The following CDK5RAP2 variants were observed in gnomAD, a reference collection of about 807,000 sequenced individuals.
CDK5RAP2 encodes the protein CDK5 regulatory subunit-associated protein 2.
A neutral mutation model predicts 232.9 loss-of-function variants in CDK5RAP2; 147 were observed. The observed-to-expected ratio is 0.63, with a 90% confidence interval of 0.55 to 0.72. CDK5RAP2 has a LOEUF of 0.72. Among genes scored for constraint, CDK5RAP2 ranks in the 30% least tolerant of loss-of-function variants. CDK5RAP2 has a pLI of 0.00. For missense variants in CDK5RAP2, 2,195 were observed against 2,231.5 expected (o/e 0.98, Z 0.33); for synonymous variants, 833 against 833.7 (o/e 1.00, Z 0.01).
chr9:120,389,219 T>C lies in CDK5RAP2; in HGVS notation c.*17A>G. The C allele has an allele frequency of 1.9e-6, 3 of 1,608,788 alleles. No homozygotes were observed. Among genetic ancestry groups the C allele is most frequent in the Non-Finnish European group, 2.5e-6 (3 of 1,176,930 alleles). On this transcript the variant is annotated 3_prime_UTR_variant, in exon 38 of 38. Transcript: ENST00000349780. ...CTCGGTGGGGGAAGCACAAGCTTTA[T>C]TGGCTGAAAGTTCTTCTCAGGAGCC...
chr9:120,417,585 C>A (rs1275509743), intron 27 of CDK5RAP2, among the ~76,000 whole-genome samples: 2 of 152,230 alleles, frequency 1.3e-5, no homozygotes, highest in Non-Finnish European at 2.9e-5. Flanking sequence ...TCCACTGAGT[C>A]TTTGGCCAGG....
At chr9:120,445,382 G>A (rs966650860) in intron 22 of CDK5RAP2, among the ~76,000 whole-genome samples, 18 of 152,118 alleles carry the variant, frequency 1.2e-4, no homozygotes, top group Admixed American at 2.6e-4. Context: ...ATCCCTTGAG[G>A]TTCGGTGACA....
chr9:120,575,908 A>T (rs1470068089), intron 1 of CDK5RAP2, among the ~76,000 whole-genome samples: 1 of 152,226 alleles, frequency 6.6e-6, no homozygotes. Flanking sequence ...TCATGACAGT[A>T]CAAATAGATA....
At chr9:120,555,466 C>G (rs1416043868) in intron 3 of CDK5RAP2, among the ~76,000 whole-genome samples, 1 of 152,124 alleles carries the variant, frequency 6.6e-6, no homozygotes, top group East Asian at 1.9e-4. Flanking sequence ...TGGACCTCAG[C>G]TTCCATATCT....
At chr9:120,550,221 G>A (rs1260880197) in intron 4 of CDK5RAP2, among the ~76,000 whole-genome samples, 1 of 152,190 alleles carries the variant, frequency 6.6e-6, no homozygotes, top group Admixed American at 6.5e-5. Context: ...ACAGTTACAG[G>A]CAAGCACACA....
chr9:120,531,444 T>A (rs1043197368), intron 7 of CDK5RAP2, among the ~76,000 whole-genome samples: 2 of 152,150 alleles, frequency 1.3e-5, no homozygotes, highest in African/African-American at 4.8e-5. Flanking sequence ...TTATCCCATA[T>A]CAACTGCCCC....
In CDK5RAP2 at chr9:120,499,745, A is replaced by G. The variant is rs140787471; in HGVS notation, c.1312-8268T>C. Among the ~76,000 whole-genome samples, 47 of 152,342 alleles carry G rather than the reference A, an allele frequency of 3.1e-4. 1 individual carries two copies. The South Asian group carries it at 5.0e-3, about 16-fold the overall frequency. Reference sequence around the variant, plus strand: ...ACTAAAGCAACATTAACAGAATTCTAAAGCTAAAGAACAAAAACATTCCCC... The same window carrying G: ...ACTAAAGCAACATTAACAGAATTCTGAAGCTAAAGAACAAAAACATTCCCC... On this transcript the variant is annotated intron_variant, in intron 12 of 37. Coordinates refer to ENST00000349780, the MANE Select transcript of CDK5RAP2 (RefSeq NM_018249.6).
intron 3 of CDK5RAP2, among the ~76,000 whole-genome samples, chr9:120,566,396 A>G (rs1025753683): frequency 7.2e-5 from 11 of 152,254 alleles, no homozygotes; most frequent in African/African-American, 2.7e-4. Flanking sequence ...GACTACAGTC[A>G]TAAAGAAAAA....
chr9:120,411,985 CT>C (rs2033880035), intron 28 of CDK5RAP2, among the ~76,000 whole-genome samples: 1 of 152,200 alleles, frequency 6.6e-6, no homozygotes, highest in Non-Finnish European at 1.5e-5. Context: ...GCAATCATGA[CT>C]GCTGCTGCTT....
chr9:120,426,564 T>G (rs1004599509), intron 25 of CDK5RAP2, among the ~76,000 whole-genome samples: 4 of 152,158 alleles, frequency 2.6e-5, no homozygotes, highest in African/African-American at 4.8e-5. Context: ...GCTTTTCTTA[T>G]GTGGATGAAG....
Position 120,491,405 on chromosome 9 carries a change from T to C in CDK5RAP2, c.1384A>G (p.Lys462Glu), listed in dbSNP as rs769490298. The change falls in exon 13 of 38, where the codon AAG becomes GAG. Residue 462 changes from lysine (K) to glutamate (E), a missense_variant. Transcript: ENST00000349780. ...EREKAMENRY[K>E]SLLSESNKKL... ...TTATTGCTTTCACTCAGAAGACTCTTGTAACGATTTTCCATTGCTTTCTCT... is the reference window on the plus strand; with the variant it reads ...TTATTGCTTTCACTCAGAAGACTCTCGTAACGATTTTCCATTGCTTTCTCT... 2.5e-6 allele frequency: 4 copies of C among 1,612,402 alleles called. No homozygotes were observed. The South Asian group carries it at 4.4e-5, about 18-fold the overall frequency.
chr9:120,446,423 G>A (rs113240337), intron 22 of CDK5RAP2, among the ~76,000 whole-genome samples: 10,127 of 152,020 alleles, frequency 0.067, 604 homozygotes, highest in African/African-American at 0.16. Context: ...ATGGGGTTTC[G>A]CCACGTTGGC....
At position 120,561,908 on chromosome 9, in the gene CDK5RAP2, A is replaced by G. The variant is rs920244599; in HGVS notation, c.195+6413T>C. Among the ~76,000 whole-genome samples, 3 of 152,270 alleles carry G rather than the reference A, an allele frequency of 2.0e-5. No homozygotes were observed. The South Asian group carries it at 6.2e-4, about 32-fold the overall frequency. On this transcript the variant is annotated intron_variant, in intron 3 of 37. Coordinates refer to ENST00000349780, the MANE Select transcript of CDK5RAP2 (RefSeq NM_018249.6). ...GATAGACTCAGTGTGCTCTCATGGA[A>G]AGTGACCAGCTTTACAATCAGAAAG...
intron 4 of CDK5RAP2, among the ~76,000 whole-genome samples, chr9:120,550,537 T>C (rs1412819508): frequency 6.6e-6 from 1 of 152,146 alleles, no homozygotes; most frequent in Non-Finnish European, 1.5e-5. Flanking sequence ...TTATAAAAAC[T>C]TAACTGAGGT....
In CDK5RAP2 at chr9:120,530,398, C is replaced by T. The variant is rs140963312; in HGVS notation, c.663-258G>A. 7.5e-3 allele frequency among the ~76,000 whole-genome samples: 1,139 copies of T among 152,292 alleles called. 8 individuals are homozygous for T. Among genetic ancestry groups the T allele is most frequent in the South Asian group, 0.03 (146 of 4,828 alleles). On this transcript the variant is annotated intron_variant, in intron 7 of 37. Transcript: ENST00000349780. ...ACTCTAGCCAAGCTGTGCTCCTGTT[C>T]AAATACCTTCAACGGTCCCCACCAA...
chr9:120,518,210 T>TGTGTGAGACAGAGAGA (rs1554770753), intron 12 of CDK5RAP2, among the ~76,000 whole-genome samples: 2 of 43,934 alleles, frequency 4.6e-5, no homozygotes, highest in African/African-American at 8.4e-5. Context: ...TGTGTGTGTG[T>TGTGTGAGACAGAGAGA]GAGAGAGAGA....
intron 4 of CDK5RAP2, among the ~76,000 whole-genome samples, chr9:120,547,345 T>C (rs1377537596): frequency 6.6e-6 from 1 of 151,966 alleles, no homozygotes; most frequent in Non-Finnish European, 1.5e-5. Context: ...GGTTCACACC[T>C]ATAACCCTAG....
At chr9:120,547,145 C>T (rs906477341) in intron 4 of CDK5RAP2, among the ~76,000 whole-genome samples, 2 of 151,970 alleles carry the variant, frequency 1.3e-5, no homozygotes, top group Admixed American at 6.6e-5. Flanking sequence ...CCTGCAACCA[C>T]GCCCAGCTAA....
intron 18 of CDK5RAP2, among the ~76,000 whole-genome samples, chr9:120,465,593 G>A (rs924502357): frequency 1.3e-5 from 2 of 151,700 alleles, no homozygotes; most frequent in Non-Finnish European, 2.9e-5. Flanking sequence ...ATTAAAAGTT[G>A]TTGGGGGGAG....
Sources: gnomAD v4.1 joint callset for allele counts (sites outside exome capture counted in the v4.1 genomes callset) on GRCh38, gnomAD v4.1.1 for gene constraint, MANE v1.5 for transcripts, NCBI Gene and HGNC (gene_info 2026-07-23, HGNC 2026-07-21) for gene names.